USH2A: variants seen among roughly 807,000 people sequenced by gnomAD.
The protein encoded by USH2A is Usher syndrome 2A (autosomal recessive, mild).
In USH2A, 443 loss-of-function variants were observed where a neutral mutation model predicts 538.9. The ratio of observed to expected loss-of-function variants is 0.82; its 90% confidence interval spans 0.76 to 0.89. The LOEUF is 0.89. Ranked by LOEUF, USH2A falls within the 40% of genes least tolerant of loss-of-function variation. The probability of loss-of-function intolerance (pLI) is 0.00; values close to 1 mark genes in which losing one functional copy is unlikely to be tolerated. For missense variants in USH2A, 6,633 were observed against 6,324.8 expected, an observed-to-expected ratio of 1.05 and a Z score of -1.65; for synonymous variants, 2,413 against 2,273.5, an observed-to-expected ratio of 1.06 and a Z score of -1.75.
chr1:216,413,728 C>G (rs2102776828), intron 3 of USH2A, among the ~76,000 whole-genome samples: 1 of 152,084 alleles, frequency 6.6e-6, no homozygotes, highest in South Asian at 2.1e-4. Context: ...TATCAAGGAG[C>G]CCTGAAAATA....
In USH2A at chr1:215,838,006, C is replaced by T. The variant is rs199885325; in HGVS notation, c.9356G>A (p.Arg3119His). ...TPSDIPTPTI[R>H]GITSRSLQID... ...AATTTTGTACCTTGAAGTGATGCCA[C>T]GAATTGTGGGTGTTGGTATATCACT... Residue 3119 changes from arginine (R) to histidine (H), a missense_variant, in exon 47 of 72, where the codon CGT (arginine) becomes CAT (histidine). Physicochemically the swap from Arg to His is conservative, Grantham distance 29 (BLOSUM62 0). Transcript: ENST00000307340. 89 of 1,613,880 alleles carry T rather than the reference C, an allele frequency of 5.5e-5. 1 individual carries two copies. The highest frequency in any genetic ancestry group is 3.3e-4 in the Middle Eastern group (2 of 6,060).
At chr1:216,033,347 G>A (rs1161992767) in intron 32 of USH2A, among the ~76,000 whole-genome samples, 4 of 152,140 alleles carry the variant, frequency 2.6e-5, no homozygotes, top group Non-Finnish European at 2.9e-5. Flanking sequence ...ATATAGAGAA[G>A]GTTTTATAAG....
At position 215,782,070 on chromosome 1, in the gene USH2A, G is replaced by T; in HGVS notation, c.10712C>A (p.Thr3571Lys). 6.2e-7 allele frequency: 1 copy of T among 1,613,954 alleles called. No individual in the cohort carries two copies. Among genetic ancestry groups the T allele is most frequent in the Non-Finnish European group, 8.5e-7 (1 of 1,179,870 alleles). ...QEYSYQLKAC[T>K]VAGCATSSKV... ...GCTACTGGTGGCACAGCCAGCAACC[G>T]TGCAAGCTTTCAGCTGATATGAATA... The change falls in exon 54 of 72, where the codon ACG becomes AAG. Residue 3571 changes from threonine to lysine, a missense_variant. By Grantham distance (78) the Thr-to-Lys change is moderately conservative. Coordinates refer to ENST00000307340, the MANE Select transcript of USH2A (RefSeq NM_206933.4).
chr1:215,920,575 G>A (rs1265907850), intron 38 of USH2A, among the ~76,000 whole-genome samples: 4 of 151,946 alleles, frequency 2.6e-5, no homozygotes, highest in Non-Finnish European at 4.4e-5. Context: ...AACCCATTGA[G>A]GAAAGTTCTG....
At chr1:216,163,504 G>T (rs976682227) in intron 21 of USH2A, among the ~76,000 whole-genome samples, 1 of 151,232 alleles carries the variant, frequency 6.6e-6, no homozygotes, top group African/African-American at 2.4e-5. Flanking sequence ...TTGGTTATTT[G>T]GCCCTATTTT....
chr1:215,864,228 C>A (rs968586266), intron 44 of USH2A, among the ~76,000 whole-genome samples: 1 of 152,014 alleles, frequency 6.6e-6, no homozygotes, highest in Admixed American at 6.6e-5. Flanking sequence ...AAATTTGATG[C>A]CTGAGTCCTA....
intron 47 of USH2A, among the ~76,000 whole-genome samples, chr1:215,827,517 A>G (rs1269103372): frequency 3.9e-5 from 6 of 152,178 alleles, no homozygotes; most frequent in Admixed American, 1.3e-4. Context: ...CTTTCTGTTT[A>G]CATTCTATAT....
intron 3 of USH2A, among the ~76,000 whole-genome samples, chr1:216,413,219 C>T (rs2039521125): frequency 1.3e-5 from 2 of 151,998 alleles, no homozygotes; most frequent in East Asian, 1.9e-4. Flanking sequence ...CACACAGAGT[C>T]AGAGCTAAAT....
At chr1:215,689,204 T>C (rs1456689332) in intron 61 of USH2A, among the ~76,000 whole-genome samples, 1 of 152,190 alleles carries the variant, frequency 6.6e-6, no homozygotes, top group Admixed American at 6.5e-5. Flanking sequence ...GACAGACCAA[T>C]GAAACTATAG....
chr1:215,766,802 G>A lies in USH2A; in HGVS notation c.10940-14C>T, dbSNP rs1426210550. The A allele has an allele frequency of 1.9e-6, 3 of 1,608,000 alleles. No individual in the cohort carries two copies. Among genetic ancestry groups the A allele is most frequent in the Non-Finnish European group, 1.7e-6 (2 of 1,174,728 alleles). Reference sequence around the variant, plus strand: ...ATGGCTGGAGACCTAGAAAAAGCAAGCAAGAAATAAAGTGCACCTTAAGAG... The same window carrying A: ...ATGGCTGGAGACCTAGAAAAAGCAAACAAGAAATAAAGTGCACCTTAAGAG... On this transcript the variant is annotated splice_polypyrimidine_tract_variant and intron_variant, in intron 55 of 71. Transcript: ENST00000307340.
At chr1:216,416,401 G>A (rs2039576870) in intron 3 of USH2A, among the ~76,000 whole-genome samples, 1 of 152,000 alleles carries the variant, frequency 6.6e-6, no homozygotes, top group South Asian at 2.1e-4. Flanking sequence ...TTTTGTGACT[G>A]CCTAGTTCTG....
intron 14 of USH2A, among the ~76,000 whole-genome samples, chr1:216,231,176 C>T (rs2035670106): frequency 7.5e-6 from 1 of 133,106 alleles, no homozygotes; most frequent in South Asian, 2.4e-4. Context: ...ATGCAATGAA[C>T]TAATAAATAT....
chr1:215,745,175 C>T (rs1256282631), intron 58 of USH2A, among the ~76,000 whole-genome samples: 1 of 152,080 alleles, frequency 6.6e-6, no homozygotes, highest in Non-Finnish European at 1.5e-5. Context: ...AGAGTGGATC[C>T]TGCCTTCTTC....
At chr1:215,811,377 G>A (rs1322277571) in intron 49 of USH2A, among the ~76,000 whole-genome samples, 1 of 152,032 alleles carries the variant, frequency 6.6e-6, no homozygotes, top group African/African-American at 2.4e-5. Flanking sequence ...CCTAAGATTG[G>A]TGTTCAACGT....
intron 35 of USH2A, 133 bp from the exon 36 acceptor site, chr1:215,970,909 G>A (rs1280637782): frequency 9.8e-6 from 9 of 913,926 alleles, no homozygotes; most frequent in Admixed American, 1.8e-5. Flanking sequence ...ATTTCTCCTT[G>A]TCTAAACTCT....
Position 215,862,840 on chromosome 1 carries a change from T to G in USH2A, c.8845+4167A>C, listed in dbSNP as rs375335244. On this transcript the variant is annotated intron_variant, in intron 44 of 71. Coordinates refer to ENST00000307340, the MANE Select transcript of USH2A (RefSeq NM_206933.4). Reference sequence around the variant, plus strand: ...ACTCAGGTTAAATTCTAGGTCGTAGTGCCAAAACATATTGGAACTGGGATT... The same window carrying G: ...ACTCAGGTTAAATTCTAGGTCGTAGGGCCAAAACATATTGGAACTGGGATT... 1.8e-3 allele frequency among the ~76,000 whole-genome samples: 278 copies of G among 152,322 alleles called. 8 individuals carry two copies. The South Asian group carries it at 0.055, about 30-fold the overall frequency.
At chr1:216,225,023 C>T (rs1016861154) in intron 14 of USH2A, among the ~76,000 whole-genome samples, 23 of 152,070 alleles carry the variant, frequency 1.5e-4, no homozygotes, top group African/African-American at 7.2e-5. Flanking sequence ...TTTGAATCTA[C>T]TTTGTTTTCA....
rs767444125 is a variant in USH2A at position 216,046,581 on chromosome 1, C to A, written c.6175G>T (p.Val2059Phe). 39 of 1,613,706 alleles carry A rather than the reference C, an allele frequency of 2.4e-5. No individual in the cohort carries two copies. The South Asian group carries it at 4.0e-4, about 16-fold the overall frequency. The change falls in exon 32 of 72, where the codon GTT becomes TTT. Residue 2059 changes from valine to phenylalanine, a missense_variant. By Grantham distance (50) the Val-to-Phe change is conservative. Transcript: ENST00000307340. ...ISTPQEAPQE[V>F]QPPVAKSLPS... ...AGGGATTTGGCTACTGGTGGCTGAACCTCTTGTGGGGCTGTGGAAGAAAAG... is the reference window on the plus strand; with the variant it reads ...AGGGATTTGGCTACTGGTGGCTGAAACTCTTGTGGGGCTGTGGAAGAAAAG...
At chr1:216,176,614 C>T (rs1240465321) in intron 20 of USH2A, among the ~76,000 whole-genome samples, 1 of 152,130 alleles carries the variant, frequency 6.6e-6, no homozygotes, top group Non-Finnish European at 1.5e-5. Flanking sequence ...TGTTTACCTT[C>T]TCTGGGTTTG....
Sources: gnomAD v4.1 joint callset for allele counts (sites outside exome capture counted in the v4.1 genomes callset) on GRCh38, gnomAD v4.1.1 for gene constraint, MANE v1.5 for transcripts, NCBI Gene and HGNC (gene_info 2026-07-23, HGNC 2026-07-21) for gene names.